The following HEPH variants were observed in gnomAD, a reference collection of about 807,000 sequenced individuals.
HEPH encodes hephaestin.
HEPH carries 69 observed loss-of-function variants against 80.8 expected under a neutral mutation model. The observed-to-expected ratio is 0.85, with a 90% CI of 0.70 to 1.04. The LOEUF is 1.04. Among genes scored for constraint, HEPH ranks in the 50% least tolerant of loss-of-function variants. HEPH has a pLI of 0.00. For missense variants in HEPH, 1,115 were observed against 891.3 expected, an observed-to-expected ratio of 1.25 and a Z score of -3.20; for synonymous variants, 431 against 322.8, an observed-to-expected ratio of 1.34 and a Z score of -3.60.
chrX:66,207,479 C>T (rs751239364), intron 14 of HEPH, 145 bp downstream of exon 14: 52 of 429,089 alleles, frequency 1.2e-4, no homozygotes, highest in Non-Finnish European at 1.8e-4. Context: ...TATGAAACAA[C>T]CATGACAATA....
At chrX:66,220,420 T>C (rs1164614335) in intron 15 of HEPH, among the ~76,000 whole-genome samples, 1 of 111,315 alleles carries the variant, frequency 9.0e-6, no homozygotes, top group East Asian at 2.8e-4. Flanking sequence ...ACACTCCCCT[T>C]TTTTCCAGCA....
Position 66,256,307 on chromosome X carries a change from T to A in HEPH, c.2873T>A (p.Phe958Tyr), listed in dbSNP as rs769650507. ...PGSINLQDET[F>Y]LESNKMHAIN... is the part of the protein sequence containing the mutation. ...AGTATTAACCTACAGGATGAAACTT[T>A]CTTGGAGAGCAATAAAATGCATGGT... Residue 958 changes from phenylalanine (F) to tyrosine (Y), a missense_variant, in exon 17 of 21, where the codon TTC becomes TAC. Phe to Tyr is a conservative substitution (Grantham distance 22). Coordinates refer to ENST00000343002, the MANE Select transcript of HEPH (RefSeq NM_001367233.3). The A allele has an allele frequency of 1.7e-6, 2 of 1,206,007 alleles. No homozygotes were observed. The highest frequency in any genetic ancestry group is 4.4e-5 in the Admixed American group (2 of 45,686).
At chrX:66,263,786 G>T in intron 20 of HEPH, 98 bp downstream of exon 20, 2 of 797,291 alleles carry the variant, frequency 2.5e-6, no homozygotes, top group Admixed American at 4.8e-5. Context: ...ATGTGACTGA[G>T]AGTTAGAATA....
intron 4 of HEPH, among the ~76,000 whole-genome samples, chrX:66,180,858 C>G (rs2087103858): frequency 1.4e-5 from 1 of 69,652 alleles, no homozygotes; most frequent in Non-Finnish European, 2.7e-5. Flanking sequence ...TCCCCCGACC[C>G]CACCACAGTC....
At chrX:66,240,559 T>A in intron 15 of HEPH, among the ~76,000 whole-genome samples, 1 of 105,719 alleles carries the variant, frequency 9.5e-6, no homozygotes. Context: ...ACATACAACG[T>A]AAAATCTACT....
intron 4 of HEPH, among the ~76,000 whole-genome samples, chrX:66,186,730 C>T (rs1213090991): frequency 1.8e-5 from 2 of 112,001 alleles, no homozygotes; most frequent in African/African-American, 6.5e-5. Context: ...TCCTCCTCCC[C>T]CAGGTGTTCT....
chrX:66,242,936 C>G (rs1399309377), intron 15 of HEPH, among the ~76,000 whole-genome samples: 1 of 111,829 alleles, frequency 8.9e-6, no homozygotes, highest in Non-Finnish European at 1.9e-5. Context: ...AGTTTAGTCA[C>G]TGTGGAAAGC....
chrX:66,163,580 A>G (rs2086252912), upstream of HEPH, among the ~76,000 whole-genome samples: 1 of 111,201 alleles, frequency 9.0e-6, no homozygotes, highest in African/African-American at 3.3e-5. Context: ...ACTGGTGGCC[A>G]GTAGGCTTTC....
intron 17 of HEPH, among the ~76,000 whole-genome samples, chrX:66,258,599 A>T (rs912117715): frequency 9.0e-5 from 10 of 111,476 alleles, no homozygotes; most frequent in Non-Finnish European, 1.9e-5. Flanking sequence ...GAGTAATTAA[A>T]ATATTTTAAG....
rs766265686 is a variant in HEPH at position 66,266,558 on chromosome X, C to T, written c.3363C>T (p.Leu1121=). ...TTGCCATTAGTGTCACCCTTCTGCT[C>T]GTTGTTCTGGCTCTTGGTGGAGTGG... is the stretch of plus-strand genomic sequence containing the variant. ...VLVAISVTLL[L]VVLALGGVVW... The change falls in exon 21 of 21, where the codon CTC becomes CTT. Residue 1121 remains leucine, a synonymous_variant. Coordinates refer to ENST00000343002, the MANE Select transcript of HEPH (RefSeq NM_001367233.3). The T allele has an allele frequency of 3.3e-6, 4 of 1,209,648 alleles. No homozygotes were observed. Among genetic ancestry groups the T allele is most frequent in the Middle Eastern group, 2.3e-4 (1 of 4,344 alleles).
At chrX:66,168,533 T>G (rs2086465350) in intron 1 of HEPH, among the ~76,000 whole-genome samples, 1 of 111,732 alleles carries the variant, frequency 8.9e-6, no homozygotes, top group Non-Finnish European at 1.9e-5. Context: ...AAACAGATCC[T>G]CTCTTACATC....
At chrX:66,247,180 T>G (rs903895082) in intron 15 of HEPH, among the ~76,000 whole-genome samples, 4 of 110,782 alleles carry the variant, frequency 3.6e-5, no homozygotes, top group Non-Finnish European at 7.6e-5. Flanking sequence ...TTTAGTCAGC[T>G]GAGCTTCTCG....
intron 15 of HEPH, among the ~76,000 whole-genome samples, chrX:66,226,368 C>T (rs756623937): frequency 4.0e-4 from 45 of 111,973 alleles, no homozygotes; most frequent in African/African-American, 1.5e-3. Context: ...TATAGACAAT[C>T]TATGGTCATG....
rs769849534 is a variant in HEPH at position 66,208,193 on chromosome X, A to T, written c.2510A>T (p.His837Leu). 15 of 1,208,032 alleles carry T rather than the reference A, an allele frequency of 1.2e-5. No individual in the cohort carries two copies. In the Admixed American group the frequency reaches 3.3e-4, roughly 26 times the overall value. ...AATGCCAGCCGCCCCTACTCTGTGC[A>T]TGCTCATGGAGTGCTAGAATCTACT... Reference protein sequence around the residue: ...KNNASRPYSVHAHGVLESTTV... With the variant: ...KNNASRPYSVLAHGVLESTTV... Residue 837 changes from histidine to leucine, a missense_variant, in exon 15 of 21, where the codon CAT (histidine) becomes CTT (leucine). Coordinates refer to ENST00000343002, the MANE Select transcript of HEPH (RefSeq NM_001367233.3).
At chrX:66,204,882 C>A (rs1186796693) in intron 13 of HEPH, among the ~76,000 whole-genome samples, 1 of 111,473 alleles carries the variant, frequency 9.0e-6, no homozygotes, top group Non-Finnish European at 1.9e-5. Context: ...TAGTTGCTAG[C>A]ATTCAGGTAG....
intron 7 of HEPH, among the ~76,000 whole-genome samples, chrX:66,192,511 T>C (rs908415842): frequency 3.6e-5 from 4 of 111,329 alleles, no homozygotes; most frequent in African/African-American, 9.8e-5. Context: ...GTGGGGTTAT[T>C]CCATATCCCC....
chrX:66,240,108 G>A (rs1156295388), intron 15 of HEPH, among the ~76,000 whole-genome samples: 1 of 111,966 alleles, frequency 8.9e-6, no homozygotes, highest in Non-Finnish European at 1.9e-5. Flanking sequence ...AATAGAAAAG[G>A]TGAACCACCT....
At chrX:66,258,762 A>G in intron 17 of HEPH, 78 bp from the exon 18 acceptor site, 1 of 834,018 alleles carries the variant, frequency 1.2e-6, no homozygotes, top group Non-Finnish European at 1.7e-6. Context: ...GGCCTAGGAT[A>G]GTGGAAATGG....
At chrX:66,173,357 C>A in intron 3 of HEPH, among the ~76,000 whole-genome samples, 1 of 111,970 alleles carries the variant, frequency 8.9e-6, no homozygotes, top group Non-Finnish European at 1.9e-5. Context: ...AGAACTTTTC[C>A]AGTGGCTACA....
Sources: allele counts gnomAD v4.1 joint callset (sites outside exome capture counted in the v4.1 genomes callset), GRCh38; gene constraint gnomAD v4.1.1; transcripts MANE v1.5; gene names NCBI Gene and HGNC (gene_info 2026-07-23, HGNC 2026-07-21).